Variants in ZAR1L observed in about 807,000 individuals in gnomAD.
The protein encoded by ZAR1L is protein ZAR1-like.
Under a neutral mutation model 30.0 loss-of-function variants are expected in ZAR1L, and 16 were observed. The observed-to-expected ratio is 0.53, with a 90% CI of 0.36 to 0.81. The LOEUF (loss-of-function observed/expected upper bound fraction) is 0.81, where lower values mean the gene tolerates loss of function less well. Among genes scored for constraint, ZAR1L ranks in the 30% least tolerant of loss-of-function variants. ZAR1L has a pLI of 0.00. For synonymous variants in ZAR1L, 197 were observed against 166.8 expected (o/e 1.18, Z -1.40); for missense variants, 392 against 417.2 (o/e 0.94, Z 0.53).
Position 32,308,709 on chromosome 13 carries a change from G to A in ZAR1L, c.799C>T (p.Arg267Ter). 4 of 1,550,918 alleles carry A rather than the reference G, an allele frequency of 2.6e-6. No homozygotes were observed. Among genetic ancestry groups the A allele is most frequent in the Admixed American group, 2.0e-5 (1 of 50,978 alleles). ...ACCTGACATTGGATTGCTTCTACTC[G>A]ATAAGGGTTAAAACTCTTTTGGCAT... The part of the protein sequence containing the change: ...CKCQKSFNPY[R>*]VEAIQCQTCS... The change falls in exon 5 of 6, where the codon CGA becomes TGA. Residue 267 changes from arginine (R) to a stop codon, truncating the protein, a stop_gained. Coordinates refer to ENST00000533490, the MANE Select transcript of ZAR1L (RefSeq NM_001136571.2). LOFTEE classifies it high-confidence loss of function.
At position 32,312,088 on chromosome 13, in the gene ZAR1L, A is replaced by G. The variant is rs992810235; in HGVS notation, c.-163T>C. 8.7e-6 allele frequency: 7 copies of G among 808,368 alleles called. No individual in the cohort carries two copies. In the African/African-American group the frequency reaches 1.2e-4, roughly 14 times the overall value. The allele number at this position is 808,368 out of a possible 1,614,324, so 50.1% of individuals were successfully genotyped here. Reference sequence around the variant, plus strand: ...CAGATTCTAATGGGAGCTGCTGCTTATTACCCTGATTGAGGGAGAGAAGCT... The same window carrying G: ...CAGATTCTAATGGGAGCTGCTGCTTGTTACCCTGATTGAGGGAGAGAAGCT... On this transcript the variant is annotated 5_prime_UTR_variant, in exon 3 of 6. Coordinates refer to ENST00000533490, the MANE Select transcript of ZAR1L (RefSeq NM_001136571.2).
At chr13:32,310,852 A>T in intron 3 of ZAR1L, 121 bp from the exon 4 acceptor site, 1 of 692,640 alleles carries the variant, frequency 1.4e-6, no homozygotes. Flanking sequence ...ATCTATTCTC[A>T]AGACTACGGC....
intron 3 of ZAR1L, among the ~76,000 whole-genome samples, 190 bp from the exon 4 acceptor site, chr13:32,310,921 G>A (rs1259014480): frequency 6.6e-6 from 1 of 152,092 alleles, no homozygotes; most frequent in Non-Finnish European, 1.5e-5. Flanking sequence ...TGCTGCTGTC[G>A]TTTGTACTTT....
At chr13:32,312,500 A>G (rs970043803) in intron 2 of ZAR1L, among the ~76,000 whole-genome samples, 10 of 152,228 alleles carry the variant, frequency 6.6e-5, no homozygotes, top group Non-Finnish European at 1.5e-4. Context: ...AAGTTATGGA[A>G]ACAATCTAAG....
chr13:32,312,478 T>C (rs1423743007), intron 2 of ZAR1L, among the ~76,000 whole-genome samples: 2 of 152,234 alleles, frequency 1.3e-5, no homozygotes, highest in Non-Finnish European at 2.9e-5. Flanking sequence ...TGTAGCATTA[T>C]GCACAATAGC....
chr13:32,311,237 G>T (rs1384620258), intron 3 of ZAR1L, 35 bp downstream of exon 3: 2 of 1,508,634 alleles, frequency 1.3e-6, no homozygotes, highest in East Asian at 4.9e-5. Context: ...GGATGAGGCT[G>T]GTCGAGGACT....
At chr13:32,307,270 G>A (rs1037363165) in intron 5 of ZAR1L, among the ~76,000 whole-genome samples, 3 of 151,942 alleles carry the variant, frequency 2.0e-5, no homozygotes, top group African/African-American at 7.2e-5. Flanking sequence ...TTGGGAGGCC[G>A]AAGCACATGG....
At position 32,303,751 on chromosome 13, in the gene ZAR1L, A is replaced by C. The variant is rs9526061; in HGVS notation, c.*128T>G. On this transcript the variant is annotated 3_prime_UTR_variant, in exon 6 of 6. Transcript: ENST00000533490. ...TATTCACATTGTACAATTGTTACAC[A>C]ATCTACAAAAAGTACAAAAGCCTAG... 142,714 of 855,278 alleles carry C rather than the reference A, an allele frequency of 0.17. 12,573 individuals are homozygous for C. The highest frequency in any genetic ancestry group is 0.2 in the Admixed American group (6,709 of 33,130). 53.0% of individuals were successfully genotyped at this position (855,278 alleles called of 1,614,324 possible). A position where few individuals can be genotyped will look rare whatever the true frequency, so the allele number is the denominator to read the frequency against.
chr13:32,306,741 G>A (rs2072178137), intron 5 of ZAR1L, among the ~76,000 whole-genome samples: 3 of 152,062 alleles, frequency 2.0e-5, no homozygotes, highest in Admixed American at 2.0e-4. Flanking sequence ...GACAAGCCTG[G>A]CCAACATGGA....
chr13:32,305,058 G>A (rs206138), intron 5 of ZAR1L, among the ~76,000 whole-genome samples: 56,437 of 151,530 alleles, frequency 0.37, 10,683 homozygotes, highest in East Asian at 0.49. Flanking sequence ...TGATCCGTCC[G>A]CCTTGGCCTC....
Position 32,304,023 on chromosome 13 carries a change from C to T in ZAR1L, c.823-1G>A, listed in dbSNP as rs2072157291. Reference sequence around the variant, plus strand: ...AGGAACAATGAGACTTTGAGCAGGTCTTTAGGAAACAAAGAAGAGTTTGGA... The same window carrying T: ...AGGAACAATGAGACTTTGAGCAGGTTTTTAGGAAACAAAGAAGAGTTTGGA... On this transcript the variant is annotated splice_acceptor_variant, in intron 5 of 5. Coordinates refer to ENST00000533490, the MANE Select transcript of ZAR1L (RefSeq NM_001136571.2). LOFTEE classifies it high-confidence loss of function. The T allele has an allele frequency of 6.5e-7, 1 of 1,549,830 alleles. No individual in the cohort carries two copies. Among genetic ancestry groups the T allele is most frequent in the Non-Finnish European group, 8.7e-7 (1 of 1,146,438 alleles).
In ZAR1L at chr13:32,311,484, C is replaced by A; in HGVS notation, c.442G>T (p.Asp148Tyr). Residue 148 changes from aspartate to tyrosine, a missense_variant, in exon 3 of 6, where the codon GAT (aspartate) becomes TAT (tyrosine). By Grantham distance (160) the Asp-to-Tyr change is radical. Coordinates refer to ENST00000533490, the MANE Select transcript of ZAR1L (RefSeq NM_001136571.2). Reference protein sequence around the residue: ...GRRGLIRLRRDGDEAESKALP... With the variant: ...GRRGLIRLRRYGDEAESKALP... The stretch of plus-strand genomic sequence containing the variant: ...GCCTTGCTCTCCGCTTCGTCCCCAT[C>A]TCTCCGCAGGCGGATCAAGCCCCTG... 6.5e-7 allele frequency: 1 copy of A among 1,545,968 alleles called. No individual in the cohort carries two copies. Among genetic ancestry groups the A allele is most frequent in the Non-Finnish European group, 8.7e-7 (1 of 1,146,496 alleles).
At position 32,311,716 on chromosome 13, in the gene ZAR1L, G is replaced by A; in HGVS notation, c.210C>T (p.Ala70=). Reference sequence around the variant, plus strand: ...GGCTGGGGTTCATCTGGGAGAGAATGGCCTTAAGCTGCGCCCTCTTGTAAG... The same window carrying A: ...GGCTGGGGTTCATCTGGGAGAGAATAGCCTTAAGCTGCGCCCTCTTGTAAG... ...IDPYKRAQLK[A]ILSQMNPSLS... is the part of the protein sequence containing the mutation. The change falls in exon 3 of 6, where the codon GCC becomes GCT. Residue 70 remains alanine (A), a synonymous_variant. Transcript: ENST00000533490. 6.4e-7 allele frequency: 1 copy of A among 1,551,676 alleles called. No homozygotes were observed. The highest frequency in any genetic ancestry group is 1.2e-5 in the South Asian group (1 of 84,068).
chr13:32,311,213 G>C (rs945852985), intron 3 of ZAR1L, 59 bp downstream of exon 3: 1 of 1,468,972 alleles, frequency 6.8e-7, no homozygotes, highest in Non-Finnish European at 9.0e-7. Flanking sequence ...CCCATAGATG[G>C]AAAAGGAGGG....
In ZAR1L at chr13:32,311,275, G is replaced by T. The variant is rs1250711728; in HGVS notation, c.651C>A (p.Phe217Leu). 6.5e-7 allele frequency: 1 copy of T among 1,547,678 alleles called. No homozygotes were observed. The highest frequency in any genetic ancestry group is 8.7e-7 in the Non-Finnish European group (1 of 1,145,272). ...AASEPLRRPNFQFLEPKYGYF... is the reference protein window; with the variant it reads ...AASEPLRRPNLQFLEPKYGYF... ...GAAGAGGGAAGAGAGGATCTACCTG[G>T]AAGTTGGGCCTCCGGAGCGGCTCGG... Residue 217 changes from phenylalanine (F) to leucine (L), a missense_variant, in exon 3 of 6, where the codon TTC becomes TTA. Coordinates refer to ENST00000533490, the MANE Select transcript of ZAR1L (RefSeq NM_001136571.2).
At position 32,308,679 on chromosome 13, in the gene ZAR1L, T is replaced by C. The variant is rs1426115465; in HGVS notation, c.822+7A>G. ...ATAGACACAATGGAAGTGTTCCATA[T>C]GCTCACCTGACATTGGATTGCTTCT... On this transcript the variant is annotated splice_region_variant and intron_variant, in intron 5 of 5. Transcript: ENST00000533490. 33 of 1,547,644 alleles carry C rather than the reference T, an allele frequency of 2.1e-5. No individual in the cohort carries two copies. The East Asian group carries it at 7.8e-4, about 37-fold the overall frequency.
At chr13:32,308,837 T>C (rs2072193776) in intron 4 of ZAR1L, 77 bp from the exon 5 acceptor site, 1 of 973,580 alleles carries the variant, frequency 1.0e-6, no homozygotes. Flanking sequence ...AGTTCTTAAG[T>C]AATCCATTGC....
In ZAR1L at chr13:32,310,744, A is replaced by G. The variant is rs1034798621; in HGVS notation, c.655-13T>C. On this transcript the variant is annotated splice_polypyrimidine_tract_variant and intron_variant, in intron 3 of 5. Coordinates refer to ENST00000533490, the MANE Select transcript of ZAR1L (RefSeq NM_001136571.2). ...TTGGTTCCAAAAACTGAAAATAAAG[A>G]AGAAAAGTACTTTACCATCATGCAA... The G allele has an allele frequency of 5.3e-6, 8 of 1,518,726 alleles. No homozygotes were observed. In the Admixed American group the frequency reaches 7.9e-5, roughly 15 times the overall value. The allele number at this position is 1,518,726 out of a possible 1,614,324, so 94.1% of individuals were successfully genotyped here.
rs1055283221 is a variant in ZAR1L, at chr13:32,303,746, T to C, written c.*133A>G. On this transcript the variant is annotated 3_prime_UTR_variant, in exon 6 of 6. Coordinates refer to ENST00000533490, the MANE Select transcript of ZAR1L (RefSeq NM_001136571.2). ...TATTCTATTCACATTGTACAATTGT[T>C]ACACAATCTACAAAAAGTACAAAAG... is the stretch of plus-strand genomic sequence containing the variant. 8.6e-6 allele frequency: 7 copies of C among 818,120 alleles called. No individual in the cohort carries two copies. The African/African-American group carries it at 1.0e-4, about 12-fold the overall frequency. 50.7% of individuals were successfully genotyped at this position (818,120 alleles called of 1,614,324 possible).
Sources: gnomAD v4.1 joint callset for allele counts (sites outside exome capture counted in the v4.1 genomes callset) on GRCh38, gnomAD v4.1.1 for gene constraint, MANE v1.5 for transcripts, NCBI Gene and HGNC (gene_info 2026-07-23, HGNC 2026-07-21) for gene names.